NDUFAF2: variants seen among roughly 807,000 people sequenced by gnomAD.
The protein encoded by NDUFAF2 is NADH dehydrogenase [ubiquinone] 1 alpha subcomplex assembly factor 2.
Under a neutral mutation model 22.8 loss-of-function variants are expected in NDUFAF2, and 13 were observed. The ratio of observed to expected loss-of-function variants is 0.57; its 90% CI spans 0.37 to 0.91. The LOEUF is 0.91. Among genes scored for constraint, NDUFAF2 ranks in the 40% least tolerant of loss-of-function variants. NDUFAF2 has a pLI of 0.01. For missense variants in NDUFAF2, 162 were observed against 195.2 expected (o/e 0.83, Z 1.01); for synonymous variants, 53 against 64.2 (o/e 0.83, Z 0.84).
At chr5:61,137,827 T>C (rs896685230) in intron 3 of NDUFAF2, among the ~76,000 whole-genome samples, 2 of 152,228 alleles carry the variant, frequency 1.3e-5, no homozygotes, top group Non-Finnish European at 2.9e-5. Context: ...AAAATAGGAA[T>C]GGACAGAGGA....
At chr5:60,992,098 T>G (rs898530700) in intron 1 of NDUFAF2, among the ~76,000 whole-genome samples, 1 of 152,220 alleles carries the variant, frequency 6.6e-6, no homozygotes, top group East Asian at 1.9e-4. Flanking sequence ...TGTCTTCTTT[T>G]GAGAAATGTC....
At chr5:61,152,484 C>T (rs573865836) in intron 3 of NDUFAF2, among the ~76,000 whole-genome samples, 2 of 152,056 alleles carry the variant, frequency 1.3e-5, no homozygotes, top group East Asian at 3.9e-4. Flanking sequence ...TGCTTCATGT[C>T]TATTATAGCA....
chr5:61,087,673 T>A (rs1752520346), intron 2 of NDUFAF2, among the ~76,000 whole-genome samples: 1 of 152,130 alleles, frequency 6.6e-6, no homozygotes, highest in African/African-American at 2.4e-5. Context: ...CCCAGAGACA[T>A]AAAGACATAA....
chr5:60,963,885 C>T (rs1750721895), intron 1 of NDUFAF2, among the ~76,000 whole-genome samples: 1 of 152,116 alleles, frequency 6.6e-6, no homozygotes, highest in African/African-American at 2.4e-5. Context: ...TGAACAAAGA[C>T]TTGAAGGGAG....
intron 2 of NDUFAF2, among the ~76,000 whole-genome samples, chr5:61,096,756 G>T (rs1375101460): frequency 1.3e-5 from 2 of 151,872 alleles, no homozygotes. Flanking sequence ...TGAAGGTCAG[G>T]AGTTCAAGAC....
intron 1 of NDUFAF2, among the ~76,000 whole-genome samples, chr5:60,957,471 T>A (rs1409581764): frequency 6.7e-6 from 1 of 150,306 alleles, no homozygotes; most frequent in Non-Finnish European, 1.5e-5. Context: ...AATGTTATAA[T>A]GTTCTTGTTT....
intron 1 of NDUFAF2, among the ~76,000 whole-genome samples, chr5:60,986,401 A>G (rs1191908785): frequency 6.6e-6 from 1 of 152,212 alleles, no homozygotes; most frequent in Non-Finnish European, 1.5e-5. Flanking sequence ...GGCAGAAAAC[A>G]AGAAGTTATT....
intron 1 of NDUFAF2, among the ~76,000 whole-genome samples, chr5:60,967,780 C>G (rs1226320711): frequency 1.3e-5 from 2 of 150,982 alleles, no homozygotes; most frequent in East Asian, 1.9e-4. Flanking sequence ...CTATGCTTAT[C>G]AGGAATATTG....
chr5:60,994,862 G>A (rs932887854), intron 1 of NDUFAF2, among the ~76,000 whole-genome samples: 4 of 152,028 alleles, frequency 2.6e-5, no homozygotes, highest in African/African-American at 9.6e-5. Context: ...AGATCCTGTA[G>A]GCATACTTCA....
At chr5:61,053,337 T>C (rs1375891508) in intron 1 of NDUFAF2, among the ~76,000 whole-genome samples, 1 of 152,202 alleles carries the variant, frequency 6.6e-6, no homozygotes, top group East Asian at 1.9e-4. Flanking sequence ...TTAGAAAATA[T>C]AACTGAACAG....
intron 1 of NDUFAF2, among the ~76,000 whole-genome samples, chr5:60,947,093 G>A (rs1458975068): frequency 6.6e-6 from 1 of 152,150 alleles, no homozygotes; most frequent in African/African-American, 2.4e-5. Flanking sequence ...TCCCATACAG[G>A]ATTTGTGTGA....
chr5:61,138,741 T>C (rs376460381), intron 3 of NDUFAF2, among the ~76,000 whole-genome samples: 2 of 152,164 alleles, frequency 1.3e-5, no homozygotes, highest in East Asian at 3.8e-4. Context: ...AGGATACCTG[T>C]ATGCAAAGCC....
chr5:61,127,831 T>C (rs1196832208), intron 3 of NDUFAF2, among the ~76,000 whole-genome samples: 1 of 152,028 alleles, frequency 6.6e-6, no homozygotes, highest in Non-Finnish European at 1.5e-5. Context: ...GGGTATTCAG[T>C]TAGGAAAAGA....
At chr5:61,089,135 C>T (rs747110529) in intron 2 of NDUFAF2, among the ~76,000 whole-genome samples, 4 of 152,074 alleles carry the variant, frequency 2.6e-5, no homozygotes, top group East Asian at 3.9e-4. Flanking sequence ...AATTTGCATA[C>T]TCACCTTTAA....
chr5:61,150,569 A>C (rs1741219536), intron 3 of NDUFAF2, among the ~76,000 whole-genome samples: 1 of 152,190 alleles, frequency 6.6e-6, no homozygotes, highest in African/African-American at 2.4e-5. Context: ...TTTTCTTTTC[A>C]TCAAAAAGCA....
intron 2 of NDUFAF2, among the ~76,000 whole-genome samples, chr5:61,089,365 A>G (rs1752540588): frequency 6.6e-6 from 1 of 152,176 alleles, no homozygotes; most frequent in Non-Finnish European, 1.5e-5. Flanking sequence ...TGGCAAAATT[A>G]TATAATTTAT....
At chr5:60,976,753 C>G (rs1750907224) in intron 1 of NDUFAF2, among the ~76,000 whole-genome samples, 1 of 152,010 alleles carries the variant, frequency 6.6e-6, no homozygotes, top group Admixed American at 6.6e-5. Flanking sequence ...TTTAAATGAA[C>G]CTATATTTGG....
At chr5:60,964,742 G>A (rs190990724) in intron 1 of NDUFAF2, among the ~76,000 whole-genome samples, 27 of 152,086 alleles carry the variant, frequency 1.8e-4, no homozygotes, top group Middle Eastern at 3.4e-3. Context: ...GTGAACTACC[G>A]CGCCCGGCCA....
intron 1 of NDUFAF2, among the ~76,000 whole-genome samples, chr5:60,952,030 T>C (rs1750554428): frequency 6.6e-6 from 1 of 151,502 alleles, no homozygotes; most frequent in African/African-American, 2.4e-5. Flanking sequence ...ACCTCTTCAT[T>C]ATCTTTTTAA....
Sources: gnomAD v4.1 joint callset for allele counts (sites outside exome capture counted in the v4.1 genomes callset) on GRCh38, gnomAD v4.1.1 for gene constraint, MANE v1.5 for transcripts, NCBI Gene and HGNC (gene_info 2026-07-23, HGNC 2026-07-21) for gene names.